Variants in COL15A1 observed in about 807,000 individuals in gnomAD.
COL15A1 encodes collagen type XV alpha 1 chain.
In COL15A1, 111 loss-of-function variants were observed where a neutral mutation model predicts 165.9. That is an observed-to-expected ratio of 0.67 (90% confidence interval 0.57 to 0.78). The LOEUF (loss-of-function observed/expected upper bound fraction) is 0.78. COL15A1 is among the 30% of genes least tolerant of loss of function. COL15A1 has a pLI of 0.00. For synonymous variants in COL15A1, 659 were observed against 674.8 expected (o/e 0.98, Z 0.36); for missense variants, 1,745 against 1,789.7 (o/e 0.98, Z 0.45).
At chr9:99,045,123 G>T (rs1053847533) in intron 26 of COL15A1, among the ~76,000 whole-genome samples, 3 of 152,144 alleles carry the variant, frequency 2.0e-5, no homozygotes, top group Non-Finnish European at 4.4e-5. Flanking sequence ...GGAGGGGGAA[G>T]AGATTGTGAA....
At position 98,985,992 on chromosome 9, in the gene COL15A1, C is replaced by A; in HGVS notation, c.528C>A (p.Leu176=). Residue 176 remains leucine, a synonymous_variant, in exon 3 of 42, where the codon CTC becomes CTA. Transcript: ENST00000375001. The stretch of plus-strand genomic sequence containing the variant: ...TCCAGGGTGAGGAAGTGACCCTCCT[C>A]GTGAACTGTGAGGAGCACAGCCGCA... ...MIVQGEEVTL[L]VNCEEHSRIP... 3 of 1,614,148 alleles carry A rather than the reference C, an allele frequency of 1.9e-6. No individual in the cohort carries two copies. Among genetic ancestry groups the A allele is most frequent in the Non-Finnish European group, 2.5e-6 (3 of 1,180,032 alleles).
chr9:99,011,406 GAAAA>G (rs774837414), intron 9 of COL15A1, among the ~76,000 whole-genome samples: 3 of 46,872 alleles, frequency 6.4e-5, no homozygotes, highest in African/African-American at 2.3e-4. Flanking sequence ...CCCTCTTTCT[GAAAA>G]AAAAAAAAAA....
Position 99,003,498 on chromosome 9 carries a change from A to G in COL15A1, c.1111A>G (p.Thr371Ala). The change falls in exon 8 of 42, where the codon ACT (threonine) becomes GCT (alanine). Residue 371 changes from threonine to alanine, a missense_variant. Physicochemically the swap from Thr to Ala is moderately conservative, Grantham distance 58 (BLOSUM62 0). Coordinates refer to ENST00000375001, the MANE Select transcript of COL15A1 (RefSeq NM_001855.5). ...GGGGCTGGCCGAGGTGCCCATCAGC[A>G]CTGCTGGAGAAGCAGAGGCCAGCAG... ...AAGLAEVPIS[T>A]AGEAEASSVP... is the part of the protein sequence containing the mutation. 6.4e-7 allele frequency: 1 copy of G among 1,564,540 alleles called. No individual in the cohort carries two copies. The highest frequency in any genetic ancestry group is 8.7e-7 in the Non-Finnish European group (1 of 1,155,620).
At chr9:99,031,373 T>C (rs577440588) in intron 16 of COL15A1, among the ~76,000 whole-genome samples, 4 of 152,298 alleles carry the variant, frequency 2.6e-5, no homozygotes, top group Admixed American at 2.6e-4. Flanking sequence ...GAGGCATTTG[T>C]CTTCCTCCAG....
chr9:98,981,949 C>T (rs147939936), intron 2 of COL15A1, among the ~76,000 whole-genome samples: 11 of 152,134 alleles, frequency 7.2e-5, no homozygotes, highest in Non-Finnish European at 1.2e-4. Context: ...ATTACAGGCA[C>T]GCACTACCAC....
chr9:99,004,508 G>A (rs1838722249), intron 8 of COL15A1, among the ~76,000 whole-genome samples: 2 of 152,214 alleles, frequency 1.3e-5, no homozygotes, highest in South Asian at 4.1e-4. Flanking sequence ...TGGTCCACGA[G>A]GGTAGACTAC....
At chr9:98,978,045 G>A (rs569809425) in intron 2 of COL15A1, among the ~76,000 whole-genome samples, 2 of 152,184 alleles carry the variant, frequency 1.3e-5, no homozygotes, top group Admixed American at 6.5e-5. Context: ...GGGACTCGTG[G>A]TACCAAGACT....
rs371909995 is a variant in COL15A1 at position 99,038,737 on chromosome 9, G to T, written c.2475+4G>T. On this transcript the variant is annotated splice_donor_region_variant and intron_variant, in intron 22 of 41. Coordinates refer to ENST00000375001, the MANE Select transcript of COL15A1 (RefSeq NM_001855.5). The stretch of plus-strand genomic sequence containing the variant: ...TCCTGAGCTGGTGGGGCCTCCGGTT[G>T]GTATCTACAGCTGCCCCAGAATGTG... The T allele has an allele frequency of 5.7e-6, 9 of 1,588,380 alleles. No homozygotes were observed. The highest frequency in any genetic ancestry group is 3.3e-4 in the Middle Eastern group (2 of 6,002).
chr9:98,972,416 C>G (rs1838074715), intron 2 of COL15A1, among the ~76,000 whole-genome samples: 1 of 152,200 alleles, frequency 6.6e-6, no homozygotes, highest in South Asian at 2.1e-4. Context: ...AAACTTCACA[C>G]CAGCCTACCT....
intron 9 of COL15A1, among the ~76,000 whole-genome samples, chr9:99,008,535 T>C (rs961013739): frequency 2.0e-5 from 3 of 152,212 alleles, no homozygotes; most frequent in African/African-American, 7.2e-5. Context: ...AAGTTAAGAA[T>C]ACTCACAACT....
chr9:98,945,847 T>C (rs928003798), intron 2 of COL15A1, among the ~76,000 whole-genome samples: 2 of 152,228 alleles, frequency 1.3e-5, no homozygotes, highest in Non-Finnish European at 2.9e-5. Context: ...AAAAGGAAGA[T>C]GGATCTGGGG....
In COL15A1 at chr9:98,964,138, G is replaced by A. The variant is rs1030885382; in HGVS notation, c.100+19888G>A. 2.6e-5 allele frequency among the ~76,000 whole-genome samples: 4 copies of A among 152,216 alleles called. No homozygotes were observed. In the East Asian group the frequency reaches 5.8e-4, roughly 22 times the overall value. On this transcript the variant is annotated intron_variant, in intron 2 of 41. Transcript: ENST00000375001. ...AAGTTTCTCTGGCATCAAATTCCACGTCCTTTGCCCTGCACCATTCTGGGG... is the reference window on the plus strand; with the variant it reads ...AAGTTTCTCTGGCATCAAATTCCACATCCTTTGCCCTGCACCATTCTGGGG...
At chr9:99,017,063 T>G (rs1221904944) in intron 11 of COL15A1, among the ~76,000 whole-genome samples, 1 of 152,214 alleles carries the variant, frequency 6.6e-6, no homozygotes, top group East Asian at 1.9e-4. Flanking sequence ...ACTGGACACA[T>G]AGCGGCTCTG....
At chr9:98,976,707 G>T (rs113140764) in intron 2 of COL15A1, among the ~76,000 whole-genome samples, 191 of 152,348 alleles carry the variant, frequency 1.3e-3, no homozygotes, top group African/African-American at 4.5e-3. Context: ...CTGAGGACCT[G>T]CTCAGGGACA....
chr9:99,053,697 G>A (rs998657615), intron 31 of COL15A1, among the ~76,000 whole-genome samples: 2 of 152,218 alleles, frequency 1.3e-5, no homozygotes, highest in South Asian at 4.1e-4. Context: ...GGTTGGAGAG[G>A]CCTCGACAGA....
intron 39 of COL15A1, among the ~76,000 whole-genome samples, chr9:99,066,597 C>CTTTTT (rs1825894667): frequency 9.2e-5 from 6 of 65,118 alleles, no homozygotes; most frequent in African/African-American, 3.4e-4. Flanking sequence ...ATATTTTGTT[C>CTTTTT]TGTTTTTTTT....
At chr9:98,959,247 A>AAAC (rs1554683053) in intron 2 of COL15A1, among the ~76,000 whole-genome samples, 2 of 147,414 alleles carry the variant, frequency 1.4e-5, no homozygotes, top group Non-Finnish European at 3.0e-5. Flanking sequence ...AAAAAAAAAA[A>AAAC]CTAAAAACTA....
chr9:98,960,965 G>T (rs945837211), intron 2 of COL15A1, among the ~76,000 whole-genome samples: 1 of 152,206 alleles, frequency 6.6e-6, no homozygotes, highest in African/African-American at 2.4e-5. Flanking sequence ...TTGGAGTTTA[G>T]AATCATTGAC....
intron 16 of COL15A1, among the ~76,000 whole-genome samples, chr9:99,033,639 A>G (rs1839246431): frequency 6.6e-6 from 1 of 152,198 alleles, no homozygotes; most frequent in Admixed American, 6.5e-5. Flanking sequence ...CGGCTATTTT[A>G]GAACTATCCA....
Sources: allele counts gnomAD v4.1 joint callset (sites outside exome capture counted in the v4.1 genomes callset), GRCh38; gene constraint gnomAD v4.1.1; transcripts MANE v1.5; gene names NCBI Gene and HGNC (gene_info 2026-07-23, HGNC 2026-07-21).